Variants in ENGASE observed in about 807,000 individuals in gnomAD.
ENGASE encodes endo-beta-N-acetylglucosaminidase.
In ENGASE, 69 loss-of-function variants were observed where a neutral mutation model predicts 78.5. That is an observed-to-expected ratio of 0.88 (90% CI 0.72 to 1.07). The LOEUF (loss-of-function observed/expected upper bound fraction) is 1.07, where lower values mean the gene tolerates loss of function less well. Among genes scored for constraint, ENGASE ranks in the 50% least tolerant of loss-of-function variants. ENGASE has a pLI of 0.00. For synonymous variants in ENGASE, 408 were observed against 408.9 expected (o/e 1.00, Z 0.03); for missense variants, 943 against 988.4 (o/e 0.95, Z 0.62).
Position 79,087,181 on chromosome 17 carries a change from C to T in ENGASE, c.*832C>T, listed in dbSNP as rs2073341144. On this transcript the variant is annotated 3_prime_UTR_variant, in exon 14 of 14. Transcript: ENST00000579016. ...CAAGCCGCCCTTCAGGCTGGGGTAG[C>T]AGGTCAGTCCAGGCAGGAAGCAGCA... 1.3e-5 allele frequency: 5 copies of T among 397,326 alleles called. No homozygotes were observed. The highest frequency in any genetic ancestry group is 2.6e-5 in the Non-Finnish European group (5 of 193,856). The allele number at this position is 397,326 out of a possible 1,614,324, so 24.6% of individuals were successfully genotyped here.
chr17:79,075,139 C>T, intron 1 of ENGASE, 49 bp downstream of exon 1: 3 of 1,199,356 alleles, frequency 2.5e-6, no homozygotes, highest in Non-Finnish European at 3.1e-6. Flanking sequence ...GCTGAGAGTC[C>T]GTGGCCCCGG....
chr17:79,084,870 A>G (rs1274223065), intron 11 of ENGASE, among the ~76,000 whole-genome samples, 184 bp downstream of exon 11: 1 of 152,096 alleles, frequency 6.6e-6, no homozygotes, highest in African/African-American at 2.4e-5. Flanking sequence ...CTTCTCAGCC[A>G]CAGCCTCTGT....
At position 79,086,406 on chromosome 17, in the gene ENGASE, T is replaced by C. The variant is rs1054182138; in HGVS notation, c.*57T>C. On this transcript the variant is annotated 3_prime_UTR_variant, in exon 14 of 14. Coordinates refer to ENST00000579016, the MANE Select transcript of ENGASE (RefSeq NM_001042573.3). ...TCGGGCTGAGGCCTCTTCCCGGCTG[T>C]CTGCCCCTGGCCTGCGCTGGACCTG... is the stretch of plus-strand genomic sequence containing the variant. The C allele has an allele frequency of 6.4e-6, 10 of 1,555,612 alleles. 1 individual carries two copies. In the African/African-American group the frequency reaches 1.4e-4, roughly 21 times the overall value.
chr17:79,081,834 G>T (rs937510281), intron 6 of ENGASE, 64 bp from the exon 7 acceptor site: 75 of 1,549,068 alleles, frequency 4.8e-5, no homozygotes, highest in Non-Finnish European at 6.4e-5. Context: ...AGACTGCAGG[G>T]TTGGTGGGGG....
At chr17:79,080,637 G>C (rs2073104243) in intron 5 of ENGASE, among the ~76,000 whole-genome samples, 2 of 152,186 alleles carry the variant, frequency 1.3e-5, no homozygotes, top group African/African-American at 4.8e-5. Flanking sequence ...TCCGCGCTCT[G>C]CTCTGGGCTG....
At chr17:79,082,850 G>A (rs1038176624) in intron 7 of ENGASE, 170 bp from the exon 8 acceptor site, 26 of 1,549,752 alleles carry the variant, frequency 1.7e-5, no homozygotes, top group East Asian at 2.4e-5. Context: ...CTTGTGGAAC[G>A]ACGGGGGTGA....
chr17:79,077,711 C>T lies in ENGASE; in HGVS notation c.263C>T (p.Ser88Phe), dbSNP rs1237594676. ...DTTKPISFYL[S>F]SLEELLAWKP... Reference sequence around the variant, plus strand: ...ACCAAACCAATCAGCTTTTACTTGTCTTCGCTGGAGGAGCTCTTGGCGTGG... The same window carrying T: ...ACCAAACCAATCAGCTTTTACTTGTTTTCGCTGGAGGAGCTCTTGGCGTGG... Residue 88 changes from serine (S) to phenylalanine (F), a missense_variant, in exon 3 of 14, where the codon TCT becomes TTT. Physicochemically the swap from Ser to Phe is radical, Grantham distance 155 (BLOSUM62 -2). Coordinates refer to ENST00000579016, the MANE Select transcript of ENGASE (RefSeq NM_001042573.3). The T allele has an allele frequency of 2.5e-6, 4 of 1,614,108 alleles. No individual in the cohort carries two copies. Among genetic ancestry groups the T allele is most frequent in the African/African-American group, 1.3e-5 (1 of 74,954 alleles).
At chr17:79,085,516 C>A in intron 12 of ENGASE, 104 bp from the exon 13 acceptor site, 2 of 1,510,296 alleles carry the variant, frequency 1.3e-6, no homozygotes, top group Non-Finnish European at 9.0e-7. Context: ...TCCCCCATGA[C>A]CCTGGGATGC....
In ENGASE at chr17:79,083,811, C is replaced by G; in HGVS notation, c.1302C>G (p.Pro434=). Residue 434 remains proline (P), a synonymous_variant, in exon 10 of 14, where the codon CCC becomes CCG. Transcript: ENST00000579016. The surrounding 1 kb of genome is among the most constrained non-coding windows in gnomAD (Gnocchi z 4.9). ...ACCTGAGCGCCCAGGAGATCCAGCC[C>G]TTGTTTGGAGAACACAGGCTGGGAG... is the stretch of plus-strand genomic sequence containing the variant. ...WYHLSAQEIQ[P]LFGEHRLGGD... is the part of the protein sequence containing the mutation. 1.9e-6 allele frequency: 3 copies of G among 1,612,268 alleles called. No individual in the cohort carries two copies. Among genetic ancestry groups the G allele is most frequent in the Non-Finnish European group, 2.5e-6 (3 of 1,179,446 alleles).
Position 79,080,931 on chromosome 17 carries a change from G to T in ENGASE, c.730G>T (p.Ala244Ser), listed in dbSNP as rs372039816. 1 of 1,611,012 alleles carries T rather than the reference G, an allele frequency of 6.2e-7. No homozygotes were observed. Among genetic ancestry groups the T allele is most frequent in the Admixed American group, 1.7e-5 (1 of 59,634 alleles). Residue 244 changes from alanine to serine, a missense_variant, in exon 6 of 14, where the codon GCT becomes TCT. Ala to Ser is a moderately conservative substitution (Grantham distance 99, BLOSUM62 1). Coordinates refer to ENST00000579016, the MANE Select transcript of ENGASE (RefSeq NM_001042573.3). ...INIENSLSLA[A>S]VGNMPPFLRY... ...CCTTGTTCTTCTCTTTCAGCTGGCC[G>T]CTGTGGGGAACATGCCTCCTTTCCT...
chr17:79,075,304 C>G (rs1212381021), intron 1 of ENGASE, among the ~76,000 whole-genome samples: 2 of 152,306 alleles, frequency 1.3e-5, no homozygotes, highest in South Asian at 4.1e-4. Flanking sequence ...CTCCGGCCCC[C>G]GTGCGTGACC....
chr17:79,079,707 A>T (rs901611497), intron 4 of ENGASE, 70 bp downstream of exon 4: 15 of 1,565,792 alleles, frequency 9.6e-6, no homozygotes, highest in Non-Finnish European at 1.2e-5. Context: ...CCCCGTGATT[A>T]GGAGGCACGG....
At chr17:79,075,143 G>A (rs982791317) in intron 1 of ENGASE, 53 bp downstream of exon 1, 26 of 1,198,116 alleles carry the variant, frequency 2.2e-5, no homozygotes, top group Non-Finnish European at 2.6e-5. Context: ...AGAGTCCGTG[G>A]CCCCGGGGCC....
At position 79,081,987 on chromosome 17, in the gene ENGASE, G is replaced by A. The variant is rs12937557; in HGVS notation, c.962G>A (p.Arg321His). 88,998 of 1,614,158 alleles carry A rather than the reference G, an allele frequency of 0.055. 2,591 individuals carry two copies. Among genetic ancestry groups the A allele is most frequent in the Middle Eastern group, 0.068 (412 of 6,062 alleles). The change falls in exon 7 of 14, where the codon CGC becomes CAC. Residue 321 changes from arginine (R) to histidine (H), a missense_variant. Coordinates refer to ENST00000579016, the MANE Select transcript of ENGASE (RefSeq NM_001042573.3). ...CGGATGCTGGGGCAGGCTGGGGAGCGCCGGGCTGATGTGTACGTGGGCGTG... is the reference window on the plus strand; with the variant it reads ...CGGATGCTGGGGCAGGCTGGGGAGCACCGGGCTGATGTGTACGTGGGCGTG... ...LERMLGQAGE[R>H]RADVYVGVDV... is the part of the protein sequence containing the mutation.
Position 79,080,378 on chromosome 17 carries a change from C to A in ENGASE, c.723+14C>A. The stretch of plus-strand genomic sequence containing the variant: ...AACTCGCTGAGTGTGAGTGCCCAGC[C>A]CTCACCCACCTCCCCGCCCCTTGCT... On this transcript the variant is annotated intron_variant, in intron 5 of 13. Transcript: ENST00000579016. The A allele has an allele frequency of 6.2e-7, 1 of 1,610,908 alleles. No homozygotes were observed. The highest frequency in any genetic ancestry group is 1.1e-5 in the South Asian group (1 of 91,008).
In ENGASE at chr17:79,085,307, CT is replaced by C; in HGVS notation, c.1666del (p.Cys556AlafsTer5). The C allele has an allele frequency of 6.2e-7, 1 of 1,612,782 alleles. No individual in the cohort carries two copies. The highest frequency in any genetic ancestry group is 8.5e-7 in the Non-Finnish European group (1 of 1,179,778). Reference sequence around the variant, plus strand: ...CCAAGCTGGCCAGATGGGTGGGCCGCTGCGGCCGGCAGCTGAGTGGGGGCTG... The same window carrying C: ...CCAAGCTGGCCAGATGGGTGGGCCGCGCGGCCGGCAGCTGAGTGGGGGCTG... Reference protein sequence around the residue: ...PTKLARWVGRCGRQLSGGWVQ... With the variant: ...PTKLARWVGRXGRQLSGGWVQ... On this transcript the variant is annotated frameshift_variant, in exon 12 of 14. Coordinates refer to ENST00000579016, the MANE Select transcript of ENGASE (RefSeq NM_001042573.3). LOFTEE classifies it high-confidence loss of function.
rs763948822 is a variant in ENGASE, at chr17:79,086,174, T to C, written c.2057T>C (p.Phe686Ser). Residue 686 changes from phenylalanine (F) to serine (S), a missense_variant, in exon 14 of 14, where the codon TTC becomes TCC. Physicochemically the swap from Phe to Ser is radical, Grantham distance 155. Coordinates refer to ENST00000579016, the MANE Select transcript of ENGASE (RefSeq NM_001042573.3). Reference protein sequence around the residue: ...RELPRPEMPMFLGLAFATQYR... With the variant: ...RELPRPEMPMSLGLAFATQYR... ...CTGCCGAGGCCAGAGATGCCCATGT[T>C]CCTGGGGTTGGCTTTTGCCACCCAG... is the stretch of plus-strand genomic sequence containing the variant. The C allele has an allele frequency of 1.2e-6, 2 of 1,613,794 alleles. No individual in the cohort carries two copies. Among genetic ancestry groups the C allele is most frequent in the South Asian group, 2.2e-5 (2 of 91,090 alleles).
intron 7 of ENGASE, 156 bp from the exon 8 acceptor site, chr17:79,082,864 C>T: frequency 6.4e-7 from 1 of 1,565,868 alleles, no homozygotes; most frequent in Non-Finnish European, 8.6e-7. Flanking sequence ...GGGGTGATGC[C>T]CAGCAGCCTC....
chr17:79,086,306 C>A lies in ENGASE; in HGVS notation c.2189C>A (p.Ala730Asp). 1 of 1,613,506 alleles carries A rather than the reference C, an allele frequency of 6.2e-7. No individual in the cohort carries two copies. Among genetic ancestry groups the A allele is most frequent in the Non-Finnish European group, 8.5e-7 (1 of 1,180,030 alleles). Reference sequence around the variant, plus strand: ...AAGGAAGGGTTCCGGGTACCTCAGGCCGAGTGGGGCAGGGCAGTTCTGCTT... The same window carrying A: ...AAGGAAGGGTTCCGGGTACCTCAGGACGAGTGGGGCAGGGCAGTTCTGCTT... ...VPKEGFRVPQ[A>D]EWGRAVLLYS... The change falls in exon 14 of 14, where the codon GCC becomes GAC. Residue 730 changes from alanine to aspartate, a missense_variant. By Grantham distance (126) the Ala-to-Asp change is moderately radical. Transcript: ENST00000579016.
Sources: gnomAD v4.1 joint callset for allele counts (sites outside exome capture counted in the v4.1 genomes callset) on GRCh38, gnomAD v4.1.1 for gene constraint, Gnocchi (gnomAD v3.1) non-coding constraint, MANE v1.5 for transcripts, NCBI Gene and HGNC (gene_info 2026-07-23, HGNC 2026-07-21) for gene names.